PARD3B: variants seen among roughly 807,000 people sequenced by gnomAD.
PARD3B encodes partitioning defective 3 homolog B.
Under a neutral mutation model 130.2 loss-of-function variants are expected in PARD3B, and 103 were observed. The observed-to-expected ratio is 0.79, with a 90% CI of 0.67 to 0.93. The LOEUF is 0.93. Among genes scored for constraint, PARD3B ranks in the 40% least tolerant of loss-of-function variants. The pLI, the probability that PARD3B is intolerant of heterozygous loss-of-function variation, is 0.00. For synonymous variants in PARD3B, 583 were observed against 553.2 expected, an observed-to-expected ratio of 1.05 and a Z score of -0.76; for missense variants, 1,609 against 1,499.2, an observed-to-expected ratio of 1.07 and a Z score of -1.21.
At chr2:204,596,074 G>T (rs994096344) in intron 1 of PARD3B, among the ~76,000 whole-genome samples, 4 of 152,098 alleles carry the variant, frequency 2.6e-5, no homozygotes, top group African/African-American at 9.7e-5. Context: ...GTCTTGTGAT[G>T]ATTTTTTTTG....
At chr2:204,968,306 A>G (rs1691427648) in intron 3 of PARD3B, among the ~76,000 whole-genome samples, 1 of 152,228 alleles carries the variant, frequency 6.6e-6, no homozygotes. Context: ...CTCAGTGTTC[A>G]GTATAATTTT....
intron 18 of PARD3B, among the ~76,000 whole-genome samples, chr2:205,334,283 A>AGCTTT (rs1305096430): frequency 1.3e-5 from 2 of 152,228 alleles, no homozygotes; most frequent in Non-Finnish European, 2.9e-5. Context: ...TCCAGCTGCT[A>AGCTTT]ACTTAGAGAA....
At position 205,004,065 on chromosome 2, in the gene PARD3B, T is replaced by G. The variant is rs116654835; in HGVS notation, c.394+38742T>G. ...AAAGTTAAGGAGAGTTTGAGGCAGT[T>G]TCATAATCAGTGTAATTCAGGATCC... On this transcript the variant is annotated intron_variant, in intron 3 of 22. Transcript: ENST00000406610. Among the ~76,000 whole-genome samples, 506 of 152,270 alleles carry G rather than the reference T, an allele frequency of 3.3e-3. 4 individuals are homozygous for G. Among genetic ancestry groups the G allele is most frequent in the Admixed American group, 0.01 (159 of 15,298 alleles).
intron 20 of PARD3B, among the ~76,000 whole-genome samples, chr2:205,499,352 G>GT (rs760317897): frequency 1.3e-5 from 2 of 149,094 alleles, no homozygotes; most frequent in Admixed American, 6.7e-5. Flanking sequence ...GTTTTGTTTT[G>GT]TTTTTTTACT....
intron 2 of PARD3B, among the ~76,000 whole-genome samples, chr2:204,733,838 C>G (rs925322827): frequency 4.0e-5 from 6 of 151,888 alleles, no homozygotes; most frequent in Admixed American, 2.0e-4. Context: ...CATCTCCATT[C>G]AATACAAAAT....
chr2:205,290,021 C>T (rs1046797662), intron 16 of PARD3B, among the ~76,000 whole-genome samples: 2 of 152,102 alleles, frequency 1.3e-5, no homozygotes, highest in African/African-American at 4.8e-5. Flanking sequence ...CTAAGAGAAC[C>T]CAAGATGTCT....
intron 22 of PARD3B, among the ~76,000 whole-genome samples, chr2:205,609,210 TG>T (rs1267495740): frequency 6.6e-6 from 1 of 152,192 alleles, no homozygotes; most frequent in Non-Finnish European, 1.5e-5. Flanking sequence ...ACTGGAAACC[TG>T]ACACTAAAGG....
rs1009045754 is a variant in PARD3B, at chr2:205,047,642, G to T, written c.456G>T (p.Gln152His). Reference protein sequence around the residue: ...DPVPGPPADTQPSASHPGGQS... With the variant: ...DPVPGPPADTHPSASHPGGQS... The stretch of plus-strand genomic sequence containing the variant: ...TGCCAGGCCCACCTGCTGATACCCA[G>T]CCAAGCGCTTCACACCCTGGTGGCC... Residue 152 changes from glutamine to histidine, a missense_variant, in exon 4 of 23, where the codon CAG (glutamine) becomes CAT (histidine). Physicochemically the swap from Gln to His is conservative, Grantham distance 24. Coordinates refer to ENST00000406610, the MANE Select transcript of PARD3B (RefSeq NM_001302769.2). The T allele has an allele frequency of 2.5e-5, 39 of 1,550,886 alleles. No homozygotes were observed. The East Asian group carries it at 9.5e-4, about 38-fold the overall frequency.
intron 2 of PARD3B, among the ~76,000 whole-genome samples, chr2:204,910,183 A>G (rs1027965650): frequency 6.6e-6 from 1 of 152,228 alleles, no homozygotes; most frequent in Non-Finnish European, 1.5e-5. Context: ...CAGTTGGCAA[A>G]TAAGTAAGAG....
intron 1 of PARD3B, among the ~76,000 whole-genome samples, chr2:204,617,804 T>G (rs528237857): frequency 6.6e-6 from 1 of 152,322 alleles, no homozygotes; most frequent in East Asian, 1.9e-4. Flanking sequence ...GTATTTGGTT[T>G]TCTGTTCCTG....
At chr2:204,746,583 T>A (rs2040239082) in intron 2 of PARD3B, among the ~76,000 whole-genome samples, 1 of 152,188 alleles carries the variant, frequency 6.6e-6, no homozygotes, top group Non-Finnish European at 1.5e-5. Flanking sequence ...GTTGAACTAG[T>A]TTACCTCCCA....
At chr2:204,883,399 T>C (rs1253896579) in intron 2 of PARD3B, among the ~76,000 whole-genome samples, 1 of 130,926 alleles carries the variant, frequency 7.6e-6, no homozygotes, top group African/African-American at 3.1e-5. Flanking sequence ...TGTATGTATA[T>C]ATATATTATA....
At chr2:204,977,880 G>A (rs368342358) in intron 3 of PARD3B, among the ~76,000 whole-genome samples, 93 of 151,564 alleles carry the variant, frequency 6.1e-4, no homozygotes, top group African/African-American at 2.2e-3. Context: ...GGAAAGAGGA[G>A]AAAATTCTTA....
At chr2:205,029,888 A>C (rs187883475) in intron 3 of PARD3B, among the ~76,000 whole-genome samples, 1 of 152,292 alleles carries the variant, frequency 6.6e-6, no homozygotes, top group African/African-American at 2.4e-5. Context: ...TTCCTCAGAA[A>C]CTTCCCAAAC....
intron 2 of PARD3B, among the ~76,000 whole-genome samples, chr2:204,829,993 C>T (rs1167821333): frequency 2.2e-4 from 25 of 115,206 alleles, no homozygotes; most frequent in Admixed American, 3.9e-4. Context: ...AGCGAGACTC[C>T]GTCTCAAAAA....
At chr2:205,072,311 G>C (rs1403328529) in intron 4 of PARD3B, among the ~76,000 whole-genome samples, 1 of 150,370 alleles carries the variant, frequency 6.7e-6, no homozygotes, top group Admixed American at 6.6e-5. Context: ...GTGCAATGGC[G>C]CACTCTTGGC....
intron 19 of PARD3B, 37 bp downstream of exon 19, chr2:205,401,160 T>C: frequency 1.4e-6 from 2 of 1,481,346 alleles, no homozygotes; most frequent in South Asian, 1.2e-5. Context: ...TTTCTTTGAC[T>C]CTATGGTCTG....
At chr2:205,580,446 T>G (rs1035162) in intron 22 of PARD3B, among the ~76,000 whole-genome samples, 2 of 152,152 alleles carry the variant, frequency 1.3e-5, no homozygotes, top group Admixed American at 6.5e-5. Flanking sequence ...GTGACACTGT[T>G]ACAGGAGGGC....
chr2:205,443,764 A>C (rs573681708), intron 20 of PARD3B, among the ~76,000 whole-genome samples: 20 of 152,184 alleles, frequency 1.3e-4, no homozygotes, highest in African/African-American at 4.8e-4. Context: ...AGTGGCTGCA[A>C]AGCAGGCTGG....
Sources: gnomAD v4.1 joint callset for allele counts (sites outside exome capture counted in the v4.1 genomes callset) on GRCh38, gnomAD v4.1.1 for gene constraint, MANE v1.5 for transcripts, NCBI Gene and HGNC (gene_info 2026-07-23, HGNC 2026-07-21) for gene names.